RBFOX1: variants seen among roughly 807,000 people sequenced by gnomAD.
RBFOX1 encodes the protein RNA binding fox-1 homolog 1, also known as RNA binding protein fox-1 homolog 1.
Under a neutral mutation model 57.7 loss-of-function variants are expected in RBFOX1, and 8 were observed. The ratio of observed to expected loss-of-function variants is 0.14; its 90% CI spans 0.08 to 0.25. The LOEUF (loss-of-function observed/expected upper bound fraction) is 0.25, where lower values mean the gene tolerates loss of function less well. RBFOX1 is among the 10% of genes least tolerant of loss of function. RBFOX1 has a pLI of 1.00. For synonymous variants in RBFOX1, 326 were observed against 222.4 expected (o/e 1.47, Z -4.15); for missense variants, 611 against 548.5 (o/e 1.11, Z -1.14).
At chr16:6,064,618 G>A (rs2095735045) in intron 1 of RBFOX1, among the ~76,000 whole-genome samples, 1 of 151,934 alleles carries the variant, frequency 6.6e-6, no homozygotes, top group Non-Finnish European at 1.5e-5. Flanking sequence ...TCGGCTCACT[G>A]CAACCTCCGC....
At chr16:6,031,138 G>C (rs1339848367) in intron 1 of RBFOX1, among the ~76,000 whole-genome samples, 1 of 152,214 alleles carries the variant, frequency 6.6e-6, no homozygotes, top group Non-Finnish European at 1.5e-5. Flanking sequence ...TCTCCAAGGA[G>C]AGGTATTGGG....
At chr16:5,733,914 A>G (rs1294418191) in intron 3 of RBFOX1, among the ~76,000 whole-genome samples, 3 of 151,084 alleles carry the variant, frequency 2.0e-5, no homozygotes, top group African/African-American at 7.3e-5. Flanking sequence ...ATTCTGCCCT[A>G]CCCCACCCTT....
At chr16:7,709,664 T>C in intron 15 of RBFOX1, 1 of 1,499,376 alleles carries the variant, frequency 6.7e-7, no homozygotes, top group Non-Finnish European at 8.9e-7. Flanking sequence ...TTTGTGTGTG[T>C]ACCTAGTACA....
intron 5 of RBFOX1, among the ~76,000 whole-genome samples, chr16:7,562,261 G>C (rs937075659): frequency 2.6e-5 from 4 of 152,172 alleles, no homozygotes; most frequent in African/African-American, 7.2e-5. Context: ...AGCCTTGCTG[G>C]TGTCGTCCAA....
chr16:6,972,896 G>A (rs1305073555), intron 3 of RBFOX1, among the ~76,000 whole-genome samples: 1 of 152,168 alleles, frequency 6.6e-6, no homozygotes, highest in Non-Finnish European at 1.5e-5. Context: ...GGCTGAAGTG[G>A]GTGGATCACT....
intron 2 of RBFOX1, among the ~76,000 whole-genome samples, chr16:6,485,639 CT>C (rs1033509508): frequency 1.3e-5 from 2 of 152,242 alleles, no homozygotes; most frequent in East Asian, 1.9e-4. Context: ...AATATTCAAA[CT>C]TTTTTATCAT....
At chr16:6,104,047 C>A (rs1157157849) in intron 1 of RBFOX1, among the ~76,000 whole-genome samples, 1 of 152,076 alleles carries the variant, frequency 6.6e-6, no homozygotes, top group Non-Finnish European at 1.5e-5. Context: ...CTCTGGTCCT[C>A]AGCCTAGCAG....
intron 3 of RBFOX1, among the ~76,000 whole-genome samples, chr16:5,821,103 T>A (rs1166926092): frequency 6.6e-6 from 1 of 151,996 alleles, no homozygotes; most frequent in African/African-American, 2.4e-5. Context: ...CACACCCCCA[T>A]CAGGACCAAA....
intron 3 of RBFOX1, among the ~76,000 whole-genome samples, chr16:5,779,266 C>A (rs2054249472): frequency 6.6e-6 from 1 of 152,212 alleles, no homozygotes; most frequent in South Asian, 2.1e-4. Context: ...CTCTAAACAG[C>A]TGAATTTATC....
At chr16:7,346,422 T>C (rs2097008229) in intron 4 of RBFOX1, among the ~76,000 whole-genome samples, 1 of 152,086 alleles carries the variant, frequency 6.6e-6, no homozygotes, top group Non-Finnish European at 1.5e-5. Context: ...TTTGTACAGT[T>C]CCTTCCTGGG....
At chr16:6,977,123 CAT>C (rs947735398) in intron 3 of RBFOX1, among the ~76,000 whole-genome samples, 25 of 132,754 alleles carry the variant, frequency 1.9e-4, no homozygotes, top group South Asian at 1.2e-3. Context: ...TCTATATTAT[CAT>C]ATATATGATA....
At chr16:6,880,577 C>G (rs888791673) in intron 3 of RBFOX1, among the ~76,000 whole-genome samples, 1 of 152,146 alleles carries the variant, frequency 6.6e-6, no homozygotes, top group African/African-American at 2.4e-5. Flanking sequence ...AGGCCAGAAT[C>G]TGTTTTTCTT....
Position 5,253,242 on chromosome 16 carries a change from C to T in RBFOX1, c.219+13137C>T, listed in dbSNP as rs540892741. Among the ~76,000 whole-genome samples, 18 of 152,108 alleles carry T rather than the reference C, an allele frequency of 1.2e-4. No homozygotes were observed. In the South Asian group the frequency reaches 1.2e-3, roughly 11 times the overall value. On this transcript the variant is annotated intron_variant, in intron 1 of 2. Coordinates refer to the RBFOX1 transcript ENST00000585867. ...TCGGTTCACTGCAGTCTCTGCCTCC[C>T]GGGTTCAAGCGATTCTCCTGTCTCA... is the stretch of plus-strand genomic sequence containing the variant.
intron 1 of RBFOX1, among the ~76,000 whole-genome samples, chr16:6,143,325 T>A (rs1567551972): frequency 6.6e-6 from 1 of 152,188 alleles, no homozygotes; most frequent in Non-Finnish European, 1.5e-5. Context: ...TATAGATGGG[T>A]TTGTGTACCA....
chr16:6,968,137 C>T (rs8050826), intron 3 of RBFOX1, among the ~76,000 whole-genome samples: 5,197 of 152,148 alleles, frequency 0.034, 315 homozygotes, highest in African/African-American at 0.12. Context: ...CAGACACCAC[C>T]GCTAGACTCG....
chr16:6,256,593 T>C (rs74855477), intron 1 of RBFOX1, among the ~76,000 whole-genome samples: 3,857 of 152,090 alleles, frequency 0.025, 108 homozygotes, highest in African/African-American at 0.07. Context: ...AATCAATATG[T>C]CAACATGTGC....
chr16:7,473,406 A>G (rs2061964775), intron 4 of RBFOX1, among the ~76,000 whole-genome samples: 1 of 148,090 alleles, frequency 6.8e-6, no homozygotes, highest in African/African-American at 2.5e-5. Flanking sequence ...ATATTTATAT[A>G]TAATGTTATA....
intron 4 of RBFOX1, among the ~76,000 whole-genome samples, chr16:7,217,767 A>G (rs1008716976): frequency 2.6e-5 from 4 of 152,224 alleles, no homozygotes; most frequent in Non-Finnish European, 4.4e-5. Context: ...AGACATCAGA[A>G]AGAACATTTT....
chr16:6,560,363 A>G (rs1012496025), intron 2 of RBFOX1, among the ~76,000 whole-genome samples: 7 of 86,300 alleles, frequency 8.1e-5, no homozygotes, highest in Non-Finnish European at 1.9e-4. Flanking sequence ...ATCCATTGCA[A>G]TTTTACATGA....
Sources: gnomAD v4.1 joint callset for allele counts (sites outside exome capture counted in the v4.1 genomes callset) on GRCh38, gnomAD v4.1.1 for gene constraint, MANE v1.5 for transcripts, NCBI Gene and HGNC (gene_info 2026-07-23, HGNC 2026-07-21) for gene names.